The following RPS6KL1 variants were observed in gnomAD, a reference collection of about 807,000 sequenced individuals.
RPS6KL1 encodes ribosomal protein S6 kinase like 1, also known as ribosomal protein S6 kinase-like 1.
A neutral mutation model predicts 57.0 loss-of-function variants in RPS6KL1; 41 were observed. That is an observed-to-expected ratio of 0.72 (90% CI 0.56 to 0.93). The LOEUF (loss-of-function observed/expected upper bound fraction) is 0.93. RPS6KL1 is among the 40% of genes least tolerant of loss of function. The pLI is 0.00. For synonymous variants in RPS6KL1, 287 were observed against 309.7 expected (o/e 0.93, Z 0.77); for missense variants, 697 against 727.7 (o/e 0.96, Z 0.49).
In RPS6KL1 at chr14:74,911,258, C is replaced by T; in HGVS notation, c.654G>A (p.Glu218=). 6.2e-7 allele frequency: 1 copy of T among 1,612,238 alleles called. No homozygotes were observed. Among genetic ancestry groups the T allele is most frequent in the Non-Finnish European group, 8.5e-7 (1 of 1,179,988 alleles). ...VSEDSIFLHL[E]HVQGGTLWSH... ...CCCAGGCCTGCTCACCTTGCACATG[C>T]TCCAGGTGCAGGAAGATGGAGTCCT... Residue 218 remains glutamate, a synonymous_variant, in exon 7 of 12, where the codon GAG becomes GAA. Transcript: ENST00000557413.
rs1040628765 is a variant in RPS6KL1 at position 74,909,199 on chromosome 14, T to C, written c.1271-9A>G. 16 of 1,613,076 alleles carry C rather than the reference T, an allele frequency of 9.9e-6. No homozygotes were observed. Among genetic ancestry groups the C allele is most frequent in the Middle Eastern group, 1.6e-4 (1 of 6,082 alleles). ...TGTGAGCCGGATGTGACCTCCAGTG[T>C]GTGGGAGGAAAAAGGAGGGGACAGA... On this transcript the variant is annotated splice_polypyrimidine_tract_variant and intron_variant, in intron 8 of 11. Transcript: ENST00000557413.
rs1281564205 is a variant in RPS6KL1 at position 74,922,162 on chromosome 14, C to T, written c.-205G>A. ...GTACTGTGTTGAGCTCTGGAGAGAG[C>T]TGAGGATATCTGTGATCCACAGCCA... On this transcript the variant is annotated 5_prime_UTR_variant, in exon 2 of 12. Coordinates refer to ENST00000557413, the MANE Select transcript of RPS6KL1 (RefSeq NM_031464.5). The T allele has an allele frequency of 1.0e-6, 1 of 985,386 alleles. No individual in the cohort carries two copies. The allele number at this position is 985,386 out of a possible 1,614,324, so 61.0% of individuals were successfully genotyped here.
rs531629760 is a variant in RPS6KL1, at chr14:74,905,291, G to A, written c.*1723C>T. ...CCTGACTTAGGGAGAGTAGCAGAAGGAACACTAACTTGCAACTCTGGCTAG... is the reference window on the plus strand; with the variant it reads ...CCTGACTTAGGGAGAGTAGCAGAAGAAACACTAACTTGCAACTCTGGCTAG... On this transcript the variant is annotated 3_prime_UTR_variant, in exon 12 of 12. Transcript: ENST00000557413. 1.3e-5 allele frequency: 2 copies of A among 152,276 alleles called. No individual in the cohort carries two copies. Among genetic ancestry groups the A allele is most frequent in the South Asian group, 4.1e-4 (2 of 4,820 alleles). The allele number at this position is 152,276 out of a possible 1,614,324, so 9.4% of individuals were successfully genotyped here.
At chr14:74,918,399 G>A (rs1887218570) in intron 5 of RPS6KL1, 114 bp downstream of exon 5, 4 of 715,206 alleles carry the variant, frequency 5.6e-6, no homozygotes, top group Non-Finnish European at 9.0e-6. Context: ...TCCTCTGGAG[G>A]AGTGGGGGCC....
At chr14:74,921,247 A>ACCCCC in intron 3 of RPS6KL1, 30 bp downstream of exon 3, 1 of 719,854 alleles carries the variant, frequency 1.4e-6, no homozygotes, top group Non-Finnish European at 2.2e-6. Context: ...TTCCCCACCC[A>ACCCCC]CCCCAGCCCT....
intron 5 of RPS6KL1, among the ~76,000 whole-genome samples, chr14:74,912,675 C>T (rs959112565): frequency 2.6e-5 from 4 of 152,164 alleles, no homozygotes; most frequent in African/African-American, 9.7e-5. Context: ...CCACCCCCTT[C>T]ATTTACACAC....
chr14:74,904,171 ATGT>A lies in RPS6KL1; in HGVS notation c.*2840_*2842del, dbSNP rs933679342. The A allele has an allele frequency of 4.6e-5, 7 of 152,208 alleles. No individual in the cohort carries two copies. The highest frequency in any genetic ancestry group is 8.8e-5 in the Non-Finnish European group (6 of 68,040). The allele number at this position is 152,208 out of a possible 1,614,324, so 9.4% of individuals were successfully genotyped here. On this transcript the variant is annotated 3_prime_UTR_variant, in exon 12 of 12. Coordinates refer to ENST00000557413, the MANE Select transcript of RPS6KL1 (RefSeq NM_031464.5). ...AGGCAGGACAGCTCAAGACCTGGGGATGTTGTCATAGGCAGAATCAAAGATTTT... is the reference window on the plus strand; with the variant it reads ...AGGCAGGACAGCTCAAGACCTGGGGATGTCATAGGCAGAATCAAAGATTTT...
In RPS6KL1 at chr14:74,921,489, G is replaced by A. The variant is rs1887838423; in HGVS notation, c.53C>T (p.Pro18Leu). 6.2e-7 allele frequency: 1 copy of A among 1,614,086 alleles called. No individual in the cohort carries two copies. Residue 18 changes from proline (P) to leucine (L), a missense_variant, in exon 3 of 12, where the codon CCT becomes CTT. Coordinates refer to ENST00000557413, the MANE Select transcript of RPS6KL1 (RefSeq NM_031464.5). ...CLPSPGLEPE[P>L]CSRARSQAHV... ...AGCTTGGGACCGTGCTCGTGAGCAA[G>A]GCTCAGGCTCCAGGCCGGGGCTGGG...
chr14:74,911,555 C>G (rs1294682409), intron 6 of RPS6KL1, 175 bp from the exon 7 acceptor site: 3 of 755,890 alleles, frequency 4.0e-6, no homozygotes, highest in African/African-American at 3.5e-5. Flanking sequence ...CCTCCACCCT[C>G]TAGCCAAAGA....
chr14:74,911,896 T>C (rs1422504980), intron 5 of RPS6KL1, 55 bp from the exon 6 acceptor site: 1 of 1,487,052 alleles, frequency 6.7e-7, no homozygotes, highest in Non-Finnish European at 9.2e-7. Flanking sequence ...TGGGGCTCCG[T>C]GACCCCAGCC....
In RPS6KL1 at chr14:74,906,048, A is replaced by G. The variant is rs1884749872; in HGVS notation, c.*966T>C. The G allele has an allele frequency of 6.1e-6, 1 of 163,662 alleles. No homozygotes were observed. Among genetic ancestry groups the G allele is most frequent in the Admixed American group, 5.7e-5 (1 of 17,692 alleles). The allele number at this position is 163,662 out of a possible 1,614,324, so 10.1% of individuals were successfully genotyped here. On this transcript the variant is annotated 3_prime_UTR_variant, in exon 12 of 12. Transcript: ENST00000557413. ...CAGAGGCAAGACATTTCTGGCTAAGAGCCATGGATAGTTGTTCCATGCGTT... is the reference window on the plus strand; with the variant it reads ...CAGAGGCAAGACATTTCTGGCTAAGGGCCATGGATAGTTGTTCCATGCGTT...
chr14:74,921,284 G>A lies in RPS6KL1; in HGVS notation c.258C>T (p.Gly86=). The A allele has an allele frequency of 1.6e-6, 2 of 1,221,398 alleles. No homozygotes were observed. The highest frequency in any genetic ancestry group is 1.2e-5 in the South Asian group (1 of 85,106). The allele number at this position is 1,221,398 out of a possible 1,614,324, so 75.7% of individuals were successfully genotyped here. Residue 86 remains glycine, a synonymous_variant, in exon 3 of 12, where the codon GGC becomes GGT. Transcript: ENST00000557413. ...CCCAGCCCCGGTCCTCACCGTGTATGCCACGGAGCAGCACGTCCACGCCAT... is the reference window on the plus strand; with the variant it reads ...CCCAGCCCCGGTCCTCACCGTGTATACCACGGAGCAGCACGTCCACGCCAT... The part of the protein sequence containing the change: ...YQNGVDVLLR[G]IHVDPNKERR...
At chr14:74,923,073 C>A (rs1888112812) in intron 1 of RPS6KL1, 107 bp downstream of exon 1, 1 of 152,290 alleles carries the variant, frequency 6.6e-6, no homozygotes, top group South Asian at 2.1e-4. Flanking sequence ...GCGGCGCGTG[C>A]AACCCACGGG....
chr14:74,908,537 A>G (rs1885308405), intron 10 of RPS6KL1, among the ~76,000 whole-genome samples: 1 of 152,106 alleles, frequency 6.6e-6, no homozygotes, highest in Admixed American at 6.5e-5. Context: ...AGGATGATTG[A>G]ACAGCCTTCC....
chr14:74,916,938 C>A (rs1217226766), intron 5 of RPS6KL1, among the ~76,000 whole-genome samples: 3 of 152,232 alleles, frequency 2.0e-5, no homozygotes, highest in African/African-American at 7.2e-5. Flanking sequence ...TCAGCGGGAT[C>A]GTACCGGGAG....
rs577503709 is a variant in RPS6KL1 at position 74,904,290 on chromosome 14, C to G, written c.*2724G>C. On this transcript the variant is annotated 3_prime_UTR_variant, in exon 12 of 12. Transcript: ENST00000557413. ...GGTTACAGTAAGGGGTTGTGGAGAC[C>G]AAGGTTTTATGCAGATGAAGCCTCC... 48 of 152,092 alleles carry G rather than the reference C, an allele frequency of 3.2e-4. No individual in the cohort carries two copies. Among genetic ancestry groups the G allele is most frequent in the African/African-American group, 1.1e-3 (45 of 41,468 alleles). 9.4% of individuals were successfully genotyped at this position (152,092 alleles called of 1,614,324 possible).
At chr14:74,910,332 CCCT>C in intron 7 of RPS6KL1, 184 bp from the exon 8 acceptor site, 1 of 569,322 alleles carries the variant, frequency 1.8e-6, no homozygotes, top group East Asian at 3.2e-5. Flanking sequence ...ATGCCCTCTG[CCCT>C]CCTCTTGACC....
chr14:74,907,598 A>C, intron 10 of RPS6KL1, 68 bp from the exon 11 acceptor site: 1 of 1,457,574 alleles, frequency 6.9e-7, no homozygotes, highest in Non-Finnish European at 9.2e-7. Context: ...AGTGGCAGCC[A>C]GGATTTTTTT....
chr14:74,917,042 G>A (rs1195790079), intron 5 of RPS6KL1, among the ~76,000 whole-genome samples: 4 of 152,202 alleles, frequency 2.6e-5, no homozygotes, highest in East Asian at 3.8e-4. Context: ...AGTGGGGAGG[G>A]GACCGTGGCA....
Sources: gnomAD v4.1 joint callset for allele counts (sites outside exome capture counted in the v4.1 genomes callset) on GRCh38, gnomAD v4.1.1 for gene constraint, MANE v1.5 for transcripts, NCBI Gene and HGNC (gene_info 2026-07-23, HGNC 2026-07-21) for gene names.